The following PAK3 variants were observed in gnomAD, a reference collection of about 807,000 sequenced individuals.
PAK3 encodes the protein serine/threonine-protein kinase PAK 3.
In PAK3, 4 loss-of-function variants were observed where a neutral mutation model predicts 41.0. The ratio of observed to expected loss-of-function variants is 0.10; its 90% CI spans 0.05 to 0.22. The LOEUF (loss-of-function observed/expected upper bound fraction) is 0.22. PAK3 is among the 10% of genes least tolerant of loss of function. The pLI, the probability that PAK3 is intolerant of heterozygous loss-of-function variation, is 1.00. For synonymous variants in PAK3, 146 were observed against 139.6 expected, an observed-to-expected ratio of 1.05 and a Z score of -0.32; for missense variants, 205 against 409.9, an observed-to-expected ratio of 0.50 and a Z score of 4.32.
At chrX:111,183,347 T>TA (rs941021850) in intron 11 of PAK3, among the ~76,000 whole-genome samples, 2 of 110,959 alleles carry the variant, frequency 1.8e-5, no homozygotes, top group African/African-American at 3.3e-5. Context: ...GGAATACATG[T>TA]AAAAAAAATA....
chrX:111,016,055 T>C (rs1381692135), intron 1 of PAK3, among the ~76,000 whole-genome samples: 2 of 112,452 alleles, frequency 1.8e-5, no homozygotes, highest in East Asian at 5.6e-4. Context: ...TTTCCAAAGG[T>C]ACAGTGCATG....
At chrX:111,112,921 A>C (rs1287630800) in intron 4 of PAK3, among the ~76,000 whole-genome samples, 1 of 111,890 alleles carries the variant, frequency 8.9e-6, no homozygotes, top group Admixed American at 9.5e-5. Context: ...ATATGGATAC[A>C]GTTCTAAAAA....
rs200533556 is a variant in PAK3, at chrX:111,221,310, C to CACTGAA, written c.*874_*879dup. ...TCTCCTTAATACCTGAAAGAGGACA[C>CACTGAA]ACTGAAACTGAAACTGTGACATCCT... On this transcript the variant is annotated 3_prime_UTR_variant, in exon 18 of 18. Coordinates refer to ENST00000372007, the MANE Select transcript of PAK3 (RefSeq NM_002578.5). 7 of 111,496 alleles carry CACTGAA rather than the reference C, an allele frequency of 6.3e-5. No individual in the cohort carries two copies. The highest frequency in any genetic ancestry group is 9.4e-5 in the Non-Finnish European group (5 of 53,154). 9.2% of individuals were successfully genotyped at this position (111,496 alleles called of 1,213,427 possible).
At chrX:111,081,165 T>A (rs2092831764) in intron 1 of PAK3, among the ~76,000 whole-genome samples, 1 of 111,623 alleles carries the variant, frequency 9.0e-6, no homozygotes, top group Non-Finnish European at 1.9e-5. Context: ...CTGAACAACA[T>A]GGTGACTGTA....
intron 16 of PAK3, among the ~76,000 whole-genome samples, chrX:111,197,572 A>T (rs2094629978): frequency 8.9e-6 from 1 of 112,150 alleles, no homozygotes; most frequent in Non-Finnish European, 1.9e-5. Context: ...TTGAATGATA[A>T]CTCTAAGTTC....
intron 1 of PAK3, among the ~76,000 whole-genome samples, chrX:110,949,464 AGCTACTGAT>A (rs2090695485): frequency 8.9e-6 from 1 of 111,772 alleles, no homozygotes; most frequent in Admixed American, 9.5e-5. Context: ...AAGTCATGAA[AGCTACTGAT>A]GCACTCCCCA....
intron 1 of PAK3, among the ~76,000 whole-genome samples, chrX:111,032,306 C>A (rs185360402): frequency 8.9e-6 from 1 of 112,061 alleles, no homozygotes; most frequent in Admixed American, 9.5e-5. Context: ...CTCTTGAAGA[C>A]CATTACATCT....
chrX:110,947,258 C>A (rs933160366), intron 1 of PAK3, among the ~76,000 whole-genome samples: 1 of 112,085 alleles, frequency 8.9e-6, no homozygotes. Flanking sequence ...TGAATGACTT[C>A]TTTCCTCGTC....
chrX:111,064,438 C>CCCCTCCCA (rs2092685112), intron 1 of PAK3, among the ~76,000 whole-genome samples: 1 of 105,638 alleles, frequency 9.5e-6, no homozygotes, highest in Non-Finnish European at 1.9e-5. Flanking sequence ...AACCCTTGTG[C>CCCCTCCCA]CCCTCCCTCC....
intron 5 of PAK3, among the ~76,000 whole-genome samples, chrX:111,139,489 C>T (rs1017300532): frequency 2.7e-5 from 3 of 111,596 alleles, no homozygotes; most frequent in Non-Finnish European, 3.8e-5. Flanking sequence ...TGCTTAGAGC[C>T]GCCTAAAGGA....
intron 1 of PAK3, among the ~76,000 whole-genome samples, chrX:111,062,313 G>A (rs2092663487): frequency 8.9e-6 from 1 of 112,341 alleles, no homozygotes; most frequent in Non-Finnish European, 1.9e-5. Context: ...TAGGTTTGCT[G>A]TAGGTTTCTA....
chrX:111,000,622 T>C (rs921440936), intron 1 of PAK3, among the ~76,000 whole-genome samples: 1 of 112,045 alleles, frequency 8.9e-6, no homozygotes, highest in African/African-American at 3.2e-5. Context: ...GTTAATCTTA[T>C]TGTATCAATG....
At chrX:111,050,230 C>T (rs1368509134) in intron 1 of PAK3, among the ~76,000 whole-genome samples, 1 of 111,219 alleles carries the variant, frequency 9.0e-6, no homozygotes, top group Admixed American at 9.6e-5. Context: ...CTGGTATGGG[C>T]TGTGAGGAAG....
intron 16 of PAK3, among the ~76,000 whole-genome samples, chrX:111,200,624 T>C (rs778754267): frequency 1.1e-4 from 12 of 112,269 alleles, no homozygotes; most frequent in Non-Finnish European, 2.1e-4. Flanking sequence ...CTTTTCCTTA[T>C]TGTTTAACCA....
intron 1 of PAK3, among the ~76,000 whole-genome samples, chrX:110,985,454 G>A (rs2091525030): frequency 8.9e-6 from 1 of 112,379 alleles, no homozygotes; most frequent in African/African-American, 3.2e-5. Flanking sequence ...GCATTTAATA[G>A]GTGGTCAATA....
At chrX:111,200,844 C>A (rs1332696322) in intron 16 of PAK3, among the ~76,000 whole-genome samples, 1 of 112,361 alleles carries the variant, frequency 8.9e-6, no homozygotes, top group Non-Finnish European at 1.9e-5. Flanking sequence ...GGATTTATTA[C>A]CTTCTTCAAT....
intron 16 of PAK3, among the ~76,000 whole-genome samples, chrX:111,201,916 GT>G (rs1257947776): frequency 2.7e-5 from 3 of 109,937 alleles, no homozygotes; most frequent in Admixed American, 9.7e-5. Context: ...TGTTTAGAGG[GT>G]TTTTTTTACC....
At chrX:111,042,506 C>T (rs999490353) in intron 1 of PAK3, among the ~76,000 whole-genome samples, 8 of 111,449 alleles carry the variant, frequency 7.2e-5, no homozygotes, top group African/African-American at 2.6e-4. Context: ...GGCCCTGTAC[C>T]ACGGCACAGG....
chrX:111,000,844 G>A (rs1209568125), intron 1 of PAK3, among the ~76,000 whole-genome samples: 1 of 111,692 alleles, frequency 9.0e-6, no homozygotes, highest in Non-Finnish European at 1.9e-5. Context: ...AAGAAGGGAG[G>A]GAGAGAGAGA....
Sources: allele counts gnomAD v4.1 joint callset (sites outside exome capture counted in the v4.1 genomes callset), GRCh38; gene constraint gnomAD v4.1.1; transcripts MANE v1.5; gene names NCBI Gene and HGNC (gene_info 2026-07-23, HGNC 2026-07-21).